SDK1: variants seen among roughly 807,000 people sequenced by gnomAD.
SDK1 encodes protein sidekick-1.
SDK1 carries 157 observed loss-of-function variants against 245.5 expected under a neutral mutation model. The observed-to-expected ratio is 0.64, with a 90% CI of 0.56 to 0.73. The LOEUF is 0.73. Ranked by LOEUF, SDK1 falls within the 30% of genes least tolerant of loss-of-function variation. The pLI, the probability that SDK1 is intolerant of heterozygous loss-of-function variation, is 0.00. For missense variants in SDK1, 3,583 were observed against 3,002.3 expected, an observed-to-expected ratio of 1.19 and a Z score of -4.52; for synonymous variants, 1,647 against 1,278.5, an observed-to-expected ratio of 1.29 and a Z score of -6.15.
intron 1 of SDK1, among the ~76,000 whole-genome samples, chr7:3,616,466 A>C (rs1781775956): frequency 6.6e-6 from 1 of 152,182 alleles, no homozygotes; most frequent in Admixed American, 6.5e-5. Flanking sequence ...GTACTGCCCA[A>C]GGGTACTCGC....
intron 1 of SDK1, among the ~76,000 whole-genome samples, chr7:3,609,454 G>C (rs139558463): frequency 2.0e-5 from 3 of 152,130 alleles, no homozygotes; most frequent in South Asian, 4.1e-4. Context: ...AGGCTGGAGC[G>C]CAGTGGTGTG....
chr7:4,124,135 G>A (rs963016789), intron 25 of SDK1, among the ~76,000 whole-genome samples: 1 of 152,238 alleles, frequency 6.6e-6, no homozygotes, highest in Non-Finnish European at 1.5e-5. Flanking sequence ...TTGTGGTGGT[G>A]AGGCGAGAAG....
At position 4,267,470 on chromosome 7, in the gene SDK1, G is replaced by A; in HGVS notation, c.*2086G>A. The A allele has an allele frequency of 1.7e-5, 17 of 985,430 alleles. No homozygotes were observed. Among genetic ancestry groups the A allele is most frequent in the Non-Finnish European group, 2.0e-5 (17 of 829,944 alleles). The allele number at this position is 985,430 out of a possible 1,614,324, so 61.0% of individuals were successfully genotyped here. On this transcript the variant is annotated 3_prime_UTR_variant, in exon 45 of 45. Transcript: ENST00000404826. ...AGTTCCCCGGATGAGACTCACCACA[G>A]TGGACAGTGCCACCTCCTTCCCCTC...
At chr7:4,242,305 T>C (rs970766063) in intron 43 of SDK1, among the ~76,000 whole-genome samples, 6 of 152,168 alleles carry the variant, frequency 3.9e-5, no homozygotes, top group Non-Finnish European at 8.8e-5. Context: ...GCAAGCCTGG[T>C]GCTTGTTGCT....
At chr7:3,568,101 A>G (rs1043765422) in intron 1 of SDK1, among the ~76,000 whole-genome samples, 2 of 152,218 alleles carry the variant, frequency 1.3e-5, no homozygotes, top group Admixed American at 6.5e-5. Flanking sequence ...GATTACAGGC[A>G]TGAACCACTG....
At chr7:4,061,173 G>C (rs1350587122) in intron 19 of SDK1, among the ~76,000 whole-genome samples, 1 of 151,900 alleles carries the variant, frequency 6.6e-6, no homozygotes, top group Non-Finnish European at 1.5e-5. Flanking sequence ...TTCCAATTCT[G>C]TGAAGAAAGT....
intron 1 of SDK1, among the ~76,000 whole-genome samples, chr7:3,593,727 C>T (rs1186660882): frequency 6.6e-6 from 1 of 152,158 alleles, no homozygotes; most frequent in African/African-American, 2.4e-5. Flanking sequence ...GGCGACACCC[C>T]CAAACAAAAA....
At chr7:4,209,530 C>T (rs1784406009) in intron 37 of SDK1, among the ~76,000 whole-genome samples, 1 of 152,186 alleles carries the variant, frequency 6.6e-6, no homozygotes, top group South Asian at 2.1e-4. Context: ...GGGGGACACT[C>T]AGCCTGGAGA....
intron 1 of SDK1, among the ~76,000 whole-genome samples, chr7:3,570,286 A>G (rs1398053453): frequency 6.6e-6 from 1 of 152,128 alleles, no homozygotes; most frequent in Admixed American, 6.6e-5. Flanking sequence ...TTAGATTCTC[A>G]TAAGGAGTGT....
At chr7:3,397,041 C>A (rs1778731629) in intron 1 of SDK1, among the ~76,000 whole-genome samples, 2 of 151,478 alleles carry the variant, frequency 1.3e-5, no homozygotes, top group Non-Finnish European at 3.0e-5. Context: ...TAGTGGTTAT[C>A]CTGGGGATCA....
chr7:4,035,728 C>T (rs1056888266), intron 17 of SDK1, among the ~76,000 whole-genome samples: 4 of 152,156 alleles, frequency 2.6e-5, no homozygotes, highest in African/African-American at 7.2e-5. Context: ...TGGATAAACA[C>T]ATGATTGCAG....
chr7:3,996,730 C>T (rs561877191), intron 14 of SDK1, among the ~76,000 whole-genome samples: 9 of 152,152 alleles, frequency 5.9e-5, no homozygotes, highest in East Asian at 1.9e-4. Context: ...ATTATTCTAA[C>T]GACTTTTCCA....
At chr7:3,975,188 C>G (rs1253332409) in intron 13 of SDK1, among the ~76,000 whole-genome samples, 2 of 152,222 alleles carry the variant, frequency 1.3e-5, no homozygotes. Flanking sequence ...AACCAAAATA[C>G]CTGCTGACAC....
chr7:3,908,640 A>G (rs1299649124), intron 5 of SDK1, among the ~76,000 whole-genome samples: 1 of 151,984 alleles, frequency 6.6e-6, no homozygotes, highest in Non-Finnish European at 1.5e-5. Context: ...CTCTTCTCAC[A>G]CCTAAGCCTA....
At chr7:3,375,145 C>T (rs1434681101) in intron 1 of SDK1, among the ~76,000 whole-genome samples, 1 of 151,544 alleles carries the variant, frequency 6.6e-6, no homozygotes, top group Non-Finnish European at 1.5e-5. Flanking sequence ...AGTGTGGGCT[C>T]TCACATGTAA....
At chr7:3,342,344 T>G (rs1402017046) in intron 1 of SDK1, among the ~76,000 whole-genome samples, 1 of 151,782 alleles carries the variant, frequency 6.6e-6, no homozygotes. Context: ...ATCCCAGAAC[T>G]TTGGGAGGCC....
In SDK1 at chr7:3,581,540, C is replaced by T. The variant is rs113431050; in HGVS notation, c.299-37540C>T. On this transcript the variant is annotated intron_variant, in intron 1 of 44. Transcript: ENST00000404826. ...TGGGGAAAGGGGAGCACTTACACAC[C>T]GTTGTGGGGAGGGTAAATTAGTTAA... Among the ~76,000 whole-genome samples the T allele has an allele frequency of 5.7e-3, 866 of 152,072 alleles. 7 individuals carry two copies. The highest frequency in any genetic ancestry group is 0.02 in the South Asian group (97 of 4,812).
intron 17 of SDK1, among the ~76,000 whole-genome samples, chr7:4,034,987 AT>A (rs1312619701): frequency 6.6e-6 from 1 of 152,044 alleles, no homozygotes; most frequent in Admixed American, 6.6e-5. Context: ...CACTAAATTA[AT>A]TTTTTTTGGA....
intron 42 of SDK1, among the ~76,000 whole-genome samples, chr7:4,238,837 C>T (rs545006241): frequency 1.3e-5 from 2 of 151,774 alleles, no homozygotes; most frequent in African/African-American, 2.4e-5. Flanking sequence ...TGTGAGCCAC[C>T]GCGCCCTGCC....
Sources: gnomAD v4.1 joint callset for allele counts (sites outside exome capture counted in the v4.1 genomes callset) on GRCh38, gnomAD v4.1.1 for gene constraint, MANE v1.5 for transcripts, NCBI Gene and HGNC (gene_info 2026-07-23, HGNC 2026-07-21) for gene names.